The following GPC6 variants were observed in gnomAD, a reference collection of about 807,000 sequenced individuals.
The protein encoded by GPC6 is glypican 6.
In GPC6, 14 loss-of-function variants were observed where a neutral mutation model predicts 55.2. The ratio of observed to expected loss-of-function variants is 0.25; its 90% confidence interval spans 0.17 to 0.40. The LOEUF is 0.40. Among genes scored for constraint, GPC6 ranks in the 10% least tolerant of loss-of-function variants. The pLI, the probability that GPC6 is intolerant of heterozygous loss-of-function variation, is 1.00. For missense variants in GPC6, 641 were observed against 708.5 expected, an observed-to-expected ratio of 0.90 and a Z score of 1.08; for synonymous variants, 278 against 259.6, an observed-to-expected ratio of 1.07 and a Z score of -0.68.
At chr13:93,816,900 T>G (rs996244952) in intron 2 of GPC6, among the ~76,000 whole-genome samples, 6 of 152,346 alleles carry the variant, frequency 3.9e-5, no homozygotes, top group Non-Finnish European at 7.3e-5. Flanking sequence ...ATATTTTGTA[T>G]TAAAAGTGGA....
intron 3 of GPC6, among the ~76,000 whole-genome samples, chr13:93,841,576 A>C (rs1181476332): frequency 6.6e-6 from 1 of 152,210 alleles, no homozygotes; most frequent in Non-Finnish European, 1.5e-5. Context: ...CAAGAGTGAA[A>C]ATGGACAGTT....
rs1875820246 is a variant in GPC6 at position 93,227,250 on chromosome 13, T to G, written c.-207T>G. ...AGCAGCCTTCCCAGCCAGCCCTTGT[T>G]GGCTTGCCATCGTCCATCTGGCTTA... On this transcript the variant is annotated 5_prime_UTR_variant, in exon 1 of 9. Coordinates refer to ENST00000377047, the MANE Select transcript of GPC6 (RefSeq NM_005708.5). The surrounding 1 kb of genome is among the most constrained non-coding windows in gnomAD (Gnocchi z 4.3). The G allele has an allele frequency of 2.0e-6, 1 of 506,808 alleles. No homozygotes were observed. Among genetic ancestry groups the G allele is most frequent in the Non-Finnish European group, 3.5e-6 (1 of 283,878 alleles). The allele number at this position is 506,808 out of a possible 1,614,324, so 31.4% of individuals were successfully genotyped here. A position where few individuals can be genotyped will look rare whatever the true frequency, so the allele number is the denominator to read the frequency against.
At chr13:93,246,124 G>C (rs1204936093) in intron 1 of GPC6, among the ~76,000 whole-genome samples, 1 of 152,080 alleles carries the variant, frequency 6.6e-6, no homozygotes, top group Admixed American at 6.6e-5. Flanking sequence ...TCCTATCCTA[G>C]CCTCTCAGGC....
At chr13:93,520,648 A>C (rs1333206408) in intron 1 of GPC6, among the ~76,000 whole-genome samples, 2 of 151,968 alleles carry the variant, frequency 1.3e-5, no homozygotes, top group Non-Finnish European at 2.9e-5. Flanking sequence ...TTAATTCTTT[A>C]ATAGCATGTT....
At chr13:93,466,849 C>T (rs1194702254) in intron 1 of GPC6, among the ~76,000 whole-genome samples, 1 of 152,190 alleles carries the variant, frequency 6.6e-6, no homozygotes, top group African/African-American at 2.4e-5. Flanking sequence ...TCATCAGTTA[C>T]AATCTGTTCT....
At chr13:93,844,568 C>G (rs1429423546) in intron 3 of GPC6, among the ~76,000 whole-genome samples, 1 of 150,642 alleles carries the variant, frequency 6.6e-6, no homozygotes, top group African/African-American at 2.4e-5. Context: ...GAGTAGGTTG[C>G]GAAAATTTTC....
Position 93,536,322 on chromosome 13 carries a change from A to G in GPC6, c.161-8941A>G, listed in dbSNP as rs554584910. ...GCATTCGTATTGTGTAATCTTCACCATTATCCATCTCTAGAACTTTTTCAT... is the reference window on the plus strand; with the variant it reads ...GCATTCGTATTGTGTAATCTTCACCGTTATCCATCTCTAGAACTTTTTCAT... On this transcript the variant is annotated intron_variant, in intron 1 of 8. Transcript: ENST00000377047. Among the ~76,000 whole-genome samples, 208 of 152,286 alleles carry G rather than the reference A, an allele frequency of 1.4e-3. 4 individuals carry two copies. Among genetic ancestry groups the G allele is most frequent in the Admixed American group, 0.013 (204 of 15,282 alleles).
At chr13:93,239,935 A>G (rs532940355) in intron 1 of GPC6, among the ~76,000 whole-genome samples, 12 of 152,056 alleles carry the variant, frequency 7.9e-5, no homozygotes, top group South Asian at 2.1e-4. Flanking sequence ...ATATTTGTAT[A>G]GTTTTGGGAA....
intron 6 of GPC6, among the ~76,000 whole-genome samples, chr13:94,340,255 C>T (rs1877962793): frequency 6.6e-6 from 1 of 152,008 alleles, no homozygotes; most frequent in Admixed American, 6.5e-5. Context: ...AGTAGTCATG[C>T]ATTACTGGAA....
intron 1 of GPC6, among the ~76,000 whole-genome samples, chr13:93,360,215 C>A (rs1017247894): frequency 6.6e-6 from 1 of 152,136 alleles, no homozygotes. Flanking sequence ...AGAGTGAAAA[C>A]CACTTAGAGA....
At chr13:93,448,426 C>A (rs1347373721) in intron 1 of GPC6, among the ~76,000 whole-genome samples, 2 of 152,144 alleles carry the variant, frequency 1.3e-5, no homozygotes, top group East Asian at 1.9e-4. Flanking sequence ...AATCTCTTAA[C>A]ACTCATTTTT....
At chr13:94,168,542 A>G (rs1888447442) in intron 4 of GPC6, among the ~76,000 whole-genome samples, 1 of 152,096 alleles carries the variant, frequency 6.6e-6, no homozygotes, top group Non-Finnish European at 1.5e-5. Flanking sequence ...TTTTCGGGCC[A>G]GAGCCACATT....
chr13:94,223,339 A>T (rs1373154993), intron 4 of GPC6, among the ~76,000 whole-genome samples: 1 of 152,158 alleles, frequency 6.6e-6, no homozygotes, highest in Non-Finnish European at 1.5e-5. Context: ...AATGAAACTG[A>T]CTTTCCTTGA....
intron 1 of GPC6, among the ~76,000 whole-genome samples, chr13:93,494,638 G>A (rs1594211873): frequency 1.3e-5 from 2 of 151,946 alleles, no homozygotes; most frequent in African/African-American, 4.8e-5. Context: ...TTACATTTTG[G>A]CATGATTTTG....
In GPC6 at chr13:94,352,151, G is replaced by A. The variant is rs573985631; in HGVS notation, c.1153-30263G>A. On this transcript the variant is annotated intron_variant, in intron 6 of 8. Coordinates refer to ENST00000377047, the MANE Select transcript of GPC6 (RefSeq NM_005708.5). ...AAAGCAGTGAGGCACAGAAAGAATG[G>A]TGTGAGCTGAGGCCAACCAGGTCTT... Among the ~76,000 whole-genome samples the A allele has an allele frequency of 6.6e-5, 10 of 152,112 alleles. No individual in the cohort carries two copies. The East Asian group carries it at 1.7e-3, about 26-fold the overall frequency.
At chr13:94,045,658 T>C (rs1883705105) in intron 4 of GPC6, among the ~76,000 whole-genome samples, 1 of 151,580 alleles carries the variant, frequency 6.6e-6, no homozygotes, top group Non-Finnish European at 1.5e-5. Context: ...ACACAGACTT[T>C]GGTTTTAGGC....
At chr13:94,019,523 G>A (rs570800755) in intron 3 of GPC6, among the ~76,000 whole-genome samples, 36 of 152,162 alleles carry the variant, frequency 2.4e-4, no homozygotes, top group Admixed American at 1.0e-3. Context: ...GGCTTCTGGC[G>A]GGTGGTTGCC....
intron 6 of GPC6, among the ~76,000 whole-genome samples, chr13:94,339,816 TGCAATGGCAC>T (rs1288198357): frequency 3.8e-5 from 5 of 133,302 alleles, no homozygotes; most frequent in Non-Finnish European, 6.1e-5. Flanking sequence ...CAGGCTGGAG[TGCAATGGCAC>T]GATCTGGGCT....
At chr13:93,762,168 G>T (rs1180679997) in intron 2 of GPC6, among the ~76,000 whole-genome samples, 1 of 152,022 alleles carries the variant, frequency 6.6e-6, no homozygotes, top group Non-Finnish European at 1.5e-5. Flanking sequence ...TTAATGTAAG[G>T]TTCATCCATG....
Sources: allele counts gnomAD v4.1 joint callset (sites outside exome capture counted in the v4.1 genomes callset), GRCh38; gene constraint gnomAD v4.1.1; non-coding constraint Gnocchi (gnomAD v3.1); transcripts MANE v1.5; gene names NCBI Gene and HGNC (gene_info 2026-07-23, HGNC 2026-07-21).